Variants in ME3 observed in about 807,000 individuals in gnomAD.
The protein encoded by ME3 is NADP-dependent malic enzyme, mitochondrial.
Under a neutral mutation model 68.9 loss-of-function variants are expected in ME3, and 48 were observed. That is an observed-to-expected ratio of 0.70 (90% CI 0.55 to 0.89). The LOEUF is 0.89. Among genes scored for constraint, ME3 ranks in the 40% least tolerant of loss-of-function variants. The probability of loss-of-function intolerance (pLI) is 0.00; values close to 1 mark genes in which losing one functional copy is unlikely to be tolerated. For synonymous variants in ME3, 320 were observed against 318.8 expected (o/e 1.00, Z -0.04); for missense variants, 675 against 797.4 (o/e 0.85, Z 1.85).
chr11:86,660,394 A>C (rs73514359), intron 2 of ME3, among the ~76,000 whole-genome samples: 100 of 152,350 alleles, frequency 6.6e-4, no homozygotes, highest in African/African-American at 2.3e-3. Context: ...TGCATTAATC[A>C]AGAACTAATT....
intron 6 of ME3, among the ~76,000 whole-genome samples, chr11:86,496,486 T>G (rs1952344569): frequency 6.6e-6 from 1 of 152,206 alleles, no homozygotes; most frequent in Non-Finnish European, 1.5e-5. Context: ...TAAAGAGTCT[T>G]GGCAAATTTT....
chr11:86,645,552 AG>A (rs1565262837), intron 2 of ME3, among the ~76,000 whole-genome samples: 1 of 152,186 alleles, frequency 6.6e-6, no homozygotes, highest in Non-Finnish European at 1.5e-5. Flanking sequence ...AGCCCCAGTC[AG>A]GGGCTTATAG....
At chr11:86,474,441 T>C (rs1336723541) in intron 7 of ME3, among the ~76,000 whole-genome samples, 13 of 152,092 alleles carry the variant, frequency 8.5e-5, no homozygotes, top group Admixed American at 3.3e-4. Flanking sequence ...GGGGAGGGGA[T>C]GGTGGCTGAC....
intron 7 of ME3, among the ~76,000 whole-genome samples, chr11:86,482,067 G>A (rs1053219910): frequency 6.6e-6 from 1 of 152,106 alleles, no homozygotes; most frequent in African/African-American, 2.4e-5. Flanking sequence ...TTATCCATAG[G>A]ACACAGTTCA....
chr11:86,590,917 T>C (rs918869297), intron 2 of ME3, among the ~76,000 whole-genome samples: 3 of 152,172 alleles, frequency 2.0e-5, no homozygotes, highest in Non-Finnish European at 4.4e-5. Context: ...AGGAAGAAGA[T>C]GCTCTACCAG....
chr11:86,613,368 G>A (rs886075095), intron 2 of ME3, among the ~76,000 whole-genome samples: 1 of 152,130 alleles, frequency 6.6e-6, no homozygotes, highest in Non-Finnish European at 1.5e-5. Context: ...ATATCATACT[G>A]AATGGGCAAA....
intron 5 of ME3, among the ~76,000 whole-genome samples, chr11:86,499,917 C>T (rs1460331259): frequency 6.6e-6 from 1 of 152,190 alleles, no homozygotes; most frequent in Non-Finnish European, 1.5e-5. Flanking sequence ...TGGATGTTTC[C>T]ACATCAGTTA....
intron 2 of ME3, among the ~76,000 whole-genome samples, chr11:86,658,288 A>T (rs779347006): frequency 6.6e-6 from 1 of 151,778 alleles, no homozygotes; most frequent in African/African-American, 2.4e-5. Flanking sequence ...CAGCCCAGCT[A>T]ATTTTTGTAT....
intron 4 of ME3, among the ~76,000 whole-genome samples, chr11:86,531,442 A>C (rs891344334): frequency 1.3e-5 from 2 of 152,170 alleles, no homozygotes; most frequent in Non-Finnish European, 2.9e-5. Flanking sequence ...TCAGTGTGGC[A>C]ATTCCTCAGG....
chr11:86,539,712 T>C (rs1955917490), intron 4 of ME3, among the ~76,000 whole-genome samples: 2 of 152,202 alleles, frequency 1.3e-5, no homozygotes, highest in South Asian at 4.1e-4. Flanking sequence ...ATATACACTG[T>C]GTGAAGCTGC....
intron 2 of ME3, among the ~76,000 whole-genome samples, chr11:86,620,473 T>C (rs1252967990): frequency 7.9e-5 from 12 of 152,242 alleles, no homozygotes; most frequent in Admixed American, 7.8e-4. Context: ...TGTTGTATAC[T>C]GGGAACCCAG....
In ME3 at chr11:86,613,871, A is replaced by G. The variant is rs149154498; in HGVS notation, c.184-54048T>C. On this transcript the variant is annotated intron_variant, in intron 2 of 14. Transcript: ENST00000543262. ...ATCCTCATGGGTAGGAAGAATCAAT[A>G]TCGTGAAAATGGTCATACTGCCTAA... Among the ~76,000 whole-genome samples, 990 of 152,332 alleles carry G rather than the reference A, an allele frequency of 6.5e-3. 6 individuals carry two copies. Among genetic ancestry groups the G allele is most frequent in the African/African-American group, 0.022 (932 of 41,580 alleles).
At chr11:86,605,547 T>A (rs181225582) in intron 2 of ME3, among the ~76,000 whole-genome samples, 1 of 152,214 alleles carries the variant, frequency 6.6e-6, no homozygotes, top group African/African-American at 2.4e-5. Flanking sequence ...AGCTATCTCA[T>A]GTATTCAGAG....
chr11:86,614,672 AT>A (rs939027954), intron 2 of ME3, among the ~76,000 whole-genome samples: 1 of 151,942 alleles, frequency 6.6e-6, no homozygotes, highest in African/African-American at 2.4e-5. Flanking sequence ...GTGCCTATGG[AT>A]TTTTTTTCAT....
At chr11:86,603,952 G>C (rs1296553278) in intron 2 of ME3, among the ~76,000 whole-genome samples, 2 of 102,772 alleles carry the variant, frequency 1.9e-5, no homozygotes, top group Non-Finnish European at 3.8e-5. Context: ...TTGTGGGGTG[G>C]GGGGAGGGGG....
intron 2 of ME3, among the ~76,000 whole-genome samples, chr11:86,615,220 G>A (rs1277610683): frequency 6.6e-6 from 1 of 152,140 alleles, no homozygotes; most frequent in East Asian, 1.9e-4. Flanking sequence ...AATTTGAGAA[G>A]CTGTAGCCTC....
At position 86,508,779 on chromosome 11, in the gene ME3, A is replaced by G. The variant is rs755315993; in HGVS notation, c.543+13T>C. ...CCAACAATGATTAAATAGCAATGAAAACGGGATCATACCTTAATATTGTCT... is the reference window on the plus strand; with the variant it reads ...CCAACAATGATTAAATAGCAATGAAGACGGGATCATACCTTAATATTGTCT... On this transcript the variant is annotated intron_variant, in intron 5 of 14. Transcript: ENST00000543262. The G allele has an allele frequency of 4.4e-6, 7 of 1,600,074 alleles. No homozygotes were observed. The highest frequency in any genetic ancestry group is 1.7e-4 in the Middle Eastern group (1 of 6,036).
intron 8 of ME3, among the ~76,000 whole-genome samples, chr11:86,451,437 C>A (rs1949626798): frequency 6.6e-6 from 1 of 152,208 alleles, no homozygotes; most frequent in Non-Finnish European, 1.5e-5. Context: ...CAGCATCTTT[C>A]TTTAGTCACC....
At chr11:86,548,323 G>T (rs1383312677) in intron 4 of ME3, among the ~76,000 whole-genome samples, 1 of 152,116 alleles carries the variant, frequency 6.6e-6, no homozygotes, top group East Asian at 1.9e-4. Context: ...AGCAATGTGG[G>T]ATCTAGATAC....
Sources: allele counts gnomAD v4.1 joint callset (sites outside exome capture counted in the v4.1 genomes callset), GRCh38; gene constraint gnomAD v4.1.1; transcripts MANE v1.5; gene names NCBI Gene and HGNC (gene_info 2026-07-23, HGNC 2026-07-21).